CHD7: variants seen among roughly 807,000 people sequenced by gnomAD.
CHD7 encodes the protein chromodomain helicase DNA binding protein 7.
A neutral mutation model predicts 307.3 loss-of-function variants in CHD7; 24 were observed. The observed-to-expected ratio is 0.08, with a 90% CI of 0.06 to 0.11. CHD7 has a LOEUF of 0.11. CHD7 is among the 10% of genes least tolerant of loss of function. The probability of loss-of-function intolerance (pLI) is 1.00; values close to 1 mark genes in which losing one functional copy is unlikely to be tolerated. For synonymous variants in CHD7, 1,363 were observed against 1,349.9 expected (o/e 1.01, Z -0.21); for missense variants, 3,106 against 3,727.1 (o/e 0.83, Z 4.34).
chr8:60,679,832 GGCGGGGGCAGCGCGAACAC>G (rs1184078772), intron 1 of CHD7: 1 of 150,796 alleles, frequency 6.6e-6, no homozygotes, highest in Non-Finnish European at 1.5e-5. Context: ...CGCCGCGTGG[GGCGGGGGCAGCGCGAACAC>G]GCGGCGCGGG....
chr8:60,736,666 C>T (rs1201648829), intron 1 of CHD7, among the ~76,000 whole-genome samples: 1 of 152,182 alleles, frequency 6.6e-6, no homozygotes, highest in Non-Finnish European at 1.5e-5. Context: ...GCAAAATAGT[C>T]TTCAGTATCC....
chr8:60,790,533 C>T (rs187714206), intron 3 of CHD7, among the ~76,000 whole-genome samples: 2 of 152,160 alleles, frequency 1.3e-5, no homozygotes, highest in Admixed American at 6.5e-5. Context: ...TCAAGGTTGA[C>T]GCTATGTGGG....
rs188991725 is a variant in CHD7, at chr8:60,733,590, A to G, written c.-174-7669A>G. Among the ~76,000 whole-genome samples the G allele has an allele frequency of 1.3e-3, 203 of 152,294 alleles. 2 individuals are homozygous for G. The highest frequency in any genetic ancestry group is 2.7e-3 in the Admixed American group (42 of 15,300). ...TGAATTGCAGGGTGTAAAGGACACA[A>G]ATTTTCATGATCCTTGTGCTTTTGT... On this transcript the variant is annotated intron_variant, in intron 1 of 37. Coordinates refer to ENST00000423902, the MANE Select transcript of CHD7 (RefSeq NM_017780.4).
intron 3 of CHD7, among the ~76,000 whole-genome samples, chr8:60,794,637 A>G (rs1209054448): frequency 1.3e-5 from 2 of 152,096 alleles, no homozygotes; most frequent in African/African-American, 4.8e-5. Context: ...TTTTCATGAC[A>G]ATTAAAAAAA....
chr8:60,797,862 G>A (rs1053721070), intron 4 of CHD7, among the ~76,000 whole-genome samples: 1 of 152,190 alleles, frequency 6.6e-6, no homozygotes, highest in African/African-American at 2.4e-5. Flanking sequence ...AAAGAAAAGG[G>A]AAGCTGTACA....
intron 3 of CHD7, among the ~76,000 whole-genome samples, chr8:60,788,508 C>A (rs1811608822): frequency 6.6e-6 from 1 of 152,202 alleles, no homozygotes; most frequent in Non-Finnish European, 1.5e-5. Flanking sequence ...CATTTATTGT[C>A]CATCAGTAAA....
At chr8:60,776,147 C>T (rs1042141982) in intron 2 of CHD7, among the ~76,000 whole-genome samples, 1 of 152,064 alleles carries the variant, frequency 6.6e-6, no homozygotes, top group African/African-American at 2.4e-5. Flanking sequence ...ATACTTTTTG[C>T]CTTCTCAATT....
intron 15 of CHD7, among the ~76,000 whole-genome samples, chr8:60,832,578 AAAAT>A (rs1163072304): frequency 1.3e-5 from 2 of 152,238 alleles, no homozygotes; most frequent in African/African-American, 4.8e-5. Context: ...GGTACAAAAG[AAAAT>A]AAATAATAGC....
intron 3 of CHD7, among the ~76,000 whole-genome samples, chr8:60,788,862 G>A (rs529304872): frequency 1.2e-4 from 18 of 152,272 alleles, no homozygotes; most frequent in South Asian, 1.0e-3. Context: ...TGTTGTCCGC[G>A]TTTTATTACA....
intron 9 of CHD7, among the ~76,000 whole-genome samples, chr8:60,820,439 T>C (rs751326897): frequency 1.3e-5 from 2 of 152,230 alleles, no homozygotes; most frequent in Non-Finnish European, 2.9e-5. Context: ...GTGTCTCTTG[T>C]GGCAGAATGG....
chr8:60,813,420 A>C (rs180822997), intron 7 of CHD7, among the ~76,000 whole-genome samples: 3 of 152,182 alleles, frequency 2.0e-5, no homozygotes, highest in African/African-American at 7.2e-5. Context: ...TACATTGGCT[A>C]ATAACCTCAA....
intron 2 of CHD7, among the ~76,000 whole-genome samples, chr8:60,764,534 G>A (rs1286504942): frequency 6.6e-6 from 1 of 152,148 alleles, no homozygotes; most frequent in East Asian, 1.9e-4. Context: ...ATTGCAATTA[G>A]TTCATGGCAG....
chr8:60,785,958 G>A (rs1811471976), intron 3 of CHD7, among the ~76,000 whole-genome samples: 3 of 152,148 alleles, frequency 2.0e-5, no homozygotes, highest in South Asian at 4.1e-4. Flanking sequence ...CTGTGGAAGA[G>A]GGTAGAGATT....
chr8:60,852,316 A>G (rs1805491492), intron 29 of CHD7, 69 bp downstream of exon 29: 3 of 1,427,272 alleles, frequency 2.1e-6, no homozygotes, highest in Non-Finnish European at 2.9e-6. Flanking sequence ...GTAGACCCAC[A>G]AGAGACAGGA....
intron 1 of CHD7, among the ~76,000 whole-genome samples, chr8:60,716,818 A>T (rs1210818269): frequency 1.3e-5 from 2 of 152,234 alleles, no homozygotes; most frequent in Non-Finnish European, 2.9e-5. Context: ...TTTGTTGCTT[A>T]AAATTATATG....
chr8:60,857,740 T>C (rs1333807484), intron 34 of CHD7, among the ~76,000 whole-genome samples: 1 of 152,162 alleles, frequency 6.6e-6, no homozygotes, highest in Non-Finnish European at 1.5e-5. Flanking sequence ...AAATTTGAGA[T>C]TGAGGGAAGA....
intron 1 of CHD7, among the ~76,000 whole-genome samples, chr8:60,700,437 C>A (rs1388499720): frequency 6.6e-6 from 1 of 152,124 alleles, no homozygotes; most frequent in Non-Finnish European, 1.5e-5. Context: ...TCATATATAT[C>A]TCAGTCCAAA....
At chr8:60,744,478 ATTTTTTT>A (rs569101482) in intron 2 of CHD7, among the ~76,000 whole-genome samples, 3 of 66,670 alleles carry the variant, frequency 4.5e-5, no homozygotes, top group African/African-American at 7.4e-5. Flanking sequence ...TCAGAGCAGC[ATTTTTTT>A]TTTTTTTTTT....
At chr8:60,679,652 A>G (rs909511684) in intron 1 of CHD7, 1 of 144,088 alleles carries the variant, frequency 6.9e-6, no homozygotes, top group African/African-American at 2.5e-5. Context: ...GACGGCGGCG[A>G]CCCCCGCCTC....
Sources: allele counts gnomAD v4.1 joint callset (sites outside exome capture counted in the v4.1 genomes callset), GRCh38; gene constraint gnomAD v4.1.1; transcripts MANE v1.5; gene names NCBI Gene and HGNC (gene_info 2026-07-23, HGNC 2026-07-21).